ENOPH1: variants seen among roughly 807,000 people sequenced by gnomAD.
ENOPH1 encodes enolase-phosphatase E1.
Under a neutral mutation model 31.1 loss-of-function variants are expected in ENOPH1, and 14 were observed. That is an observed-to-expected ratio of 0.45 (90% confidence interval 0.30 to 0.70). The LOEUF (loss-of-function observed/expected upper bound fraction) is 0.70, where lower values mean the gene tolerates loss of function less well. ENOPH1 is among the 30% of genes least tolerant of loss of function. The probability of loss-of-function intolerance (pLI) is 0.09; values close to 1 mark genes in which losing one functional copy is unlikely to be tolerated. For missense variants in ENOPH1, 243 were observed against 321.5 expected, an observed-to-expected ratio of 0.76 and a Z score of 1.87; for synonymous variants, 127 against 123.2, an observed-to-expected ratio of 1.03 and a Z score of -0.21.
chr4:82,437,319 T>C (rs972966516), intron 1 of ENOPH1, among the ~76,000 whole-genome samples: 1 of 152,178 alleles, frequency 6.6e-6, no homozygotes, highest in Non-Finnish European at 1.5e-5. Context: ...GGAAGACAGT[T>C]ACATAAATAG....
At chr4:82,459,248 G>C (rs1578105689) in intron 5 of ENOPH1, among the ~76,000 whole-genome samples, 1 of 152,010 alleles carries the variant, frequency 6.6e-6, no homozygotes, top group Admixed American at 6.6e-5. Flanking sequence ...CAGATATCTT[G>C]GGCTGATTAA....
chr4:82,446,550 A>G, intron 1 of ENOPH1, among the ~76,000 whole-genome samples: 1 of 152,144 alleles, frequency 6.6e-6, no homozygotes, highest in East Asian at 1.9e-4. Context: ...CAGGAGCATA[A>G]GTTGTTTGAA....
In ENOPH1 at chr4:82,447,903, T is replaced by C. The variant is rs1316226857; in HGVS notation, c.85-17T>C. The C allele has an allele frequency of 6.6e-7, 1 of 1,519,424 alleles. No individual in the cohort carries two copies. Among genetic ancestry groups the C allele is most frequent in the East Asian group, 2.3e-5 (1 of 43,958 alleles). The allele number at this position is 1,519,424 out of a possible 1,614,324, so 94.1% of individuals were successfully genotyped here. ...ATAAAAGCTAACTCTTGTATTTTCT[T>C]TTACTCTTTTATCCAGGACATTTTA... On this transcript the variant is annotated splice_polypyrimidine_tract_variant and intron_variant, in intron 1 of 5. Coordinates refer to ENST00000273920, the MANE Select transcript of ENOPH1 (RefSeq NM_021204.5).
chr4:82,453,954 C>G (rs2110046542), intron 3 of ENOPH1, among the ~76,000 whole-genome samples: 1 of 151,912 alleles, frequency 6.6e-6, no homozygotes, highest in African/African-American at 2.4e-5. Flanking sequence ...GCCTGTAATC[C>G]CAGCACTTTG....
intron 1 of ENOPH1, among the ~76,000 whole-genome samples, chr4:82,446,485 C>A (rs1036802481): frequency 6.6e-6 from 1 of 151,930 alleles, no homozygotes; most frequent in Admixed American, 6.6e-5. Context: ...CAGTGCAATC[C>A]TCCGATGACT....
intron 5 of ENOPH1, among the ~76,000 whole-genome samples, chr4:82,458,086 C>T (rs1722536386): frequency 1.6e-5 from 2 of 125,778 alleles, no homozygotes; most frequent in South Asian, 5.5e-4. Context: ...TAGGCCAGAA[C>T]TTGGGTCATC....
chr4:82,458,986 A>T (rs1294704850), intron 5 of ENOPH1, among the ~76,000 whole-genome samples: 2 of 152,164 alleles, frequency 1.3e-5, no homozygotes, highest in Non-Finnish European at 2.9e-5. Context: ...TCTCAGCACG[A>T]CTGCCCTTCA....
chr4:82,453,802 A>T (rs1722414553), intron 3 of ENOPH1, among the ~76,000 whole-genome samples: 1 of 152,188 alleles, frequency 6.6e-6, no homozygotes, highest in Non-Finnish European at 1.5e-5. Context: ...GAGTGTCAGA[A>T]GTCAGAAAAA....
chr4:82,452,963 G>A (rs186090444), intron 3 of ENOPH1, among the ~76,000 whole-genome samples: 175 of 147,124 alleles, frequency 1.2e-3, no homozygotes, highest in African/African-American at 4.0e-3. Context: ...GTGCAGTGGC[G>A]TGATCTCAGC....
chr4:82,448,251 GTTTTGTTTTGTTTT>G (rs199896175), intron 2 of ENOPH1, among the ~76,000 whole-genome samples: 6,056 of 149,018 alleles, frequency 0.041, 188 homozygotes, highest in Non-Finnish European at 0.063. Flanking sequence ...TTTTTGTTTT[GTTTTGTTTTGTTTT>G]TTTTGTTTTT....
chr4:82,443,718 T>C (rs115719251), intron 1 of ENOPH1, among the ~76,000 whole-genome samples: 2,466 of 134,308 alleles, frequency 0.018, 139 homozygotes, highest in African/African-American at 0.061. Flanking sequence ...AGAGTGAGAC[T>C]CCAGTCTCAA....
chr4:82,437,986 T>C (rs1406889633), intron 1 of ENOPH1, among the ~76,000 whole-genome samples: 2 of 152,204 alleles, frequency 1.3e-5, no homozygotes, highest in African/African-American at 4.8e-5. Flanking sequence ...ATTCATTGAC[T>C]CAACATTTCC....
intron 1 of ENOPH1, among the ~76,000 whole-genome samples, chr4:82,441,850 A>G (rs958019157): frequency 6.6e-6 from 1 of 152,224 alleles, no homozygotes; most frequent in Non-Finnish European, 1.5e-5. Flanking sequence ...TCCTAATACT[A>G]TTATCACAGA....
rs1721731728 is a variant in ENOPH1 at position 82,430,970 on chromosome 4, T to C, written c.84+57T>C. On this transcript the variant is annotated intron_variant, in intron 1 of 5. Coordinates refer to ENST00000273920, the MANE Select transcript of ENOPH1 (RefSeq NM_021204.5). ...TTTCCTTAAAAACAGTTATTATTTT[T>C]TCTAAGTATTTCAGGCCTTGCATTG... is the stretch of plus-strand genomic sequence containing the variant. 38 of 1,520,122 alleles carry C rather than the reference T, an allele frequency of 2.5e-5. No individual in the cohort carries two copies. In the South Asian group the frequency reaches 4.0e-4, roughly 16 times the overall value. The allele number at this position is 1,520,122 out of a possible 1,614,324, so 94.2% of individuals were successfully genotyped here.
chr4:82,450,538 T>G (rs1174086288), intron 2 of ENOPH1, among the ~76,000 whole-genome samples: 1 of 152,206 alleles, frequency 6.6e-6, no homozygotes, highest in Non-Finnish European at 1.5e-5. Context: ...TGTCACAAGG[T>G]CATTGTTCTA....
rs891809421 is a variant in ENOPH1, at chr4:82,460,931, A to G, written c.*811A>G. The stretch of plus-strand genomic sequence containing the variant: ...CTATTTAAAAAGTTTTACTGAAATC[A>G]GTCCATAACATTAAGATGAGCCCTA... On this transcript the variant is annotated 3_prime_UTR_variant, in exon 6 of 6. Transcript: ENST00000273920. 6.6e-6 allele frequency: 1 copy of G among 152,258 alleles called. No individual in the cohort carries two copies. Among genetic ancestry groups the G allele is most frequent in the Non-Finnish European group, 1.5e-5 (1 of 68,048 alleles). The allele number at this position is 152,258 out of a possible 1,614,324, so 9.4% of individuals were successfully genotyped here.
chr4:82,451,881 C>T (rs1722361323), intron 3 of ENOPH1, among the ~76,000 whole-genome samples: 1 of 151,784 alleles, frequency 6.6e-6, no homozygotes, highest in Admixed American at 6.6e-5. Flanking sequence ...TCCCCTAGTT[C>T]AGGTGATCCT....
intron 2 of ENOPH1, among the ~76,000 whole-genome samples, chr4:82,449,228 A>T (rs2110043913): frequency 6.6e-6 from 1 of 152,306 alleles, no homozygotes; most frequent in East Asian, 1.9e-4. Context: ...CTACAGAGCA[A>T]GACTCCGTCT....
Position 82,457,018 on chromosome 4 carries a change from T to C in ENOPH1, c.626T>C (p.Phe209Ser), listed in dbSNP as rs756503825. 1.2e-6 allele frequency: 2 copies of C among 1,614,018 alleles called. No individual in the cohort carries two copies. Among genetic ancestry groups the C allele is most frequent in the Non-Finnish European group, 1.7e-6 (2 of 1,179,960 alleles). Residue 209 changes from phenylalanine to serine, a missense_variant, in exon 5 of 6, where the codon TTT becomes TCT. Coordinates refer to ENST00000273920, the MANE Select transcript of ENOPH1 (RefSeq NM_021204.5). ...SIGCSTNNIL[F>S]LTDVTREASA... ...GGGTGCTCAACCAACAACATTTTGT[T>C]TCTGACAGATGTTACTCGAGGTGAG... is the stretch of plus-strand genomic sequence containing the variant.
Sources: gnomAD v4.1 joint callset for allele counts (sites outside exome capture counted in the v4.1 genomes callset) on GRCh38, gnomAD v4.1.1 for gene constraint, MANE v1.5 for transcripts, NCBI Gene and HGNC (gene_info 2026-07-23, HGNC 2026-07-21) for gene names.